Variants in CARMIL1 observed in about 807,000 individuals in gnomAD.
The protein encoded by CARMIL1 is F-actin-uncapping protein LRRC16A.
A neutral mutation model predicts 177.1 loss-of-function variants in CARMIL1; 90 were observed. The ratio of observed to expected loss-of-function variants is 0.51; its 90% CI spans 0.43 to 0.61. The LOEUF (loss-of-function observed/expected upper bound fraction) is 0.61, where lower values mean the gene tolerates loss of function less well. CARMIL1 is among the 20% of genes least tolerant of loss of function. The probability of loss-of-function intolerance (pLI) is 0.00; values close to 1 mark genes in which losing one functional copy is unlikely to be tolerated. For missense variants in CARMIL1, 1,380 were observed against 1,667.0 expected, an observed-to-expected ratio of 0.83 and a Z score of 3.00; for synonymous variants, 577 against 606.2, an observed-to-expected ratio of 0.95 and a Z score of 0.71.
chr6:25,474,625 A>C (rs144255835), intron 11 of CARMIL1, among the ~76,000 whole-genome samples: 70 of 152,362 alleles, frequency 4.6e-4, no homozygotes, highest in Admixed American at 1.4e-3. Flanking sequence ...AAGTACCCTC[A>C]TAGAATAAGC....
At chr6:25,384,283 C>T (rs111731809) in intron 2 of CARMIL1, among the ~76,000 whole-genome samples, 12 of 152,348 alleles carry the variant, frequency 7.9e-5, no homozygotes, top group African/African-American at 2.4e-4. Context: ...ACAGCTCACA[C>T]GCAGCAACAG....
chr6:25,459,272 T>TCTTC, intron 8 of CARMIL1, among the ~76,000 whole-genome samples: 1 of 134,978 alleles, frequency 7.4e-6, no homozygotes, highest in South Asian at 2.5e-4. Context: ...CTTTCTTTTT[T>TCTTC]TTTTTTTTAA....
chr6:25,437,216 T>TA (rs1010738900), intron 5 of CARMIL1, among the ~76,000 whole-genome samples: 27 of 152,246 alleles, frequency 1.8e-4, no homozygotes, highest in African/African-American at 5.8e-4. Context: ...ACTGATGAAA[T>TA]AAAAAAATTA....
At chr6:25,487,933 T>G (rs887546207) in intron 12 of CARMIL1, among the ~76,000 whole-genome samples, 8 of 152,234 alleles carry the variant, frequency 5.3e-5, no homozygotes, top group Admixed American at 4.6e-4. Flanking sequence ...ACATTTTTCC[T>G]TATGATTGCA....
chr6:25,617,868 G>A (rs546369175), intron 36 of CARMIL1, among the ~76,000 whole-genome samples: 2 of 152,114 alleles, frequency 1.3e-5, no homozygotes, highest in Non-Finnish European at 2.9e-5. Flanking sequence ...AATAGAAATT[G>A]CACTTCAGTT....
intron 2 of CARMIL1, among the ~76,000 whole-genome samples, chr6:25,312,460 C>A (rs1411459423): frequency 6.6e-6 from 1 of 151,964 alleles, no homozygotes; most frequent in African/African-American, 2.4e-5. Flanking sequence ...AAAACATAAG[C>A]TTGTAAAAAG....
chr6:25,429,392 G>GTGT (rs3034260), intron 4 of CARMIL1, among the ~76,000 whole-genome samples: 1 of 152,002 alleles, frequency 6.6e-6, no homozygotes, highest in Admixed American at 6.6e-5. Flanking sequence ...TCTGACCCAG[G>GTGT]CGTCTCCTGT....
At chr6:25,398,706 A>T (rs1405147796) in intron 2 of CARMIL1, among the ~76,000 whole-genome samples, 1 of 152,298 alleles carries the variant, frequency 6.6e-6, no homozygotes, top group East Asian at 1.9e-4. Context: ...GCCCTTCCAG[A>T]ATCATGCAAA....
At chr6:25,578,730 C>A (rs761487277) in intron 29 of CARMIL1, among the ~76,000 whole-genome samples, 46 of 152,078 alleles carry the variant, frequency 3.0e-4, no homozygotes, top group Non-Finnish European at 5.1e-4. Context: ...AGACCATTGG[C>A]TCTGTGCCAA....
chr6:25,420,280 A>AACAC, intron 3 of CARMIL1, 116 bp downstream of exon 3: 1 of 913,612 alleles, frequency 1.1e-6, no homozygotes, highest in Non-Finnish European at 1.8e-6. Context: ...ACTGCAACAC[A>AACAC]ACACACACAC....
intron 2 of CARMIL1, among the ~76,000 whole-genome samples, chr6:25,328,420 A>C (rs1175227505): frequency 6.6e-6 from 1 of 152,240 alleles, no homozygotes; most frequent in Non-Finnish European, 1.5e-5. Context: ...TGAATCTTGC[A>C]TTACAGTCAC....
At chr6:25,297,456 C>A (rs778070029) in intron 2 of CARMIL1, among the ~76,000 whole-genome samples, 1 of 152,164 alleles carries the variant, frequency 6.6e-6, no homozygotes, top group Non-Finnish European at 1.5e-5. Flanking sequence ...AACCCTCTAT[C>A]ATTTTACTCT....
Position 25,610,100 on chromosome 6 carries a change from G to T in CARMIL1, c.3898G>T (p.Val1300Phe), listed in dbSNP as rs760241107. 6.2e-7 allele frequency: 1 copy of T among 1,613,778 alleles called. No individual in the cohort carries two copies. Among genetic ancestry groups the T allele is most frequent in the African/African-American group, 1.3e-5 (1 of 74,898 alleles). Reference sequence around the variant, plus strand: ...CCCGAAAGTTGCCCTTCTTCCACCTGTCCTGAAAAAAGTTCCTTCAGACAA... The same window carrying T: ...CCCGAAAGTTGCCCTTCTTCCACCTTTCCTGAAAAAAGTTCCTTCAGACAA... ...SSPKVALLPP[V>F]LKKVPSDKER... The change falls in exon 36 of 37, where the codon GTC becomes TTC. Residue 1300 changes from valine to phenylalanine, a missense_variant. Physicochemically the swap from Val to Phe is conservative, Grantham distance 50. Coordinates refer to ENST00000329474, the MANE Select transcript of CARMIL1 (RefSeq NM_017640.6).
chr6:25,457,051 G>A (rs1311554375), intron 8 of CARMIL1, among the ~76,000 whole-genome samples: 2 of 150,884 alleles, frequency 1.3e-5, no homozygotes, highest in African/African-American at 4.9e-5. Flanking sequence ...GGAATCAGAT[G>A]TGAACAGCAT....
At chr6:25,491,842 A>C in intron 14 of CARMIL1, 33 bp downstream of exon 14, 1 of 1,538,418 alleles carries the variant, frequency 6.5e-7, no homozygotes, top group Non-Finnish European at 8.9e-7. Context: ...TCTTGCTCTG[A>C]GGGGTCTCAG....
chr6:25,301,902 T>C (rs1393069003), intron 2 of CARMIL1, among the ~76,000 whole-genome samples: 1 of 152,212 alleles, frequency 6.6e-6, no homozygotes, highest in Admixed American at 6.5e-5. Context: ...TCAGACCAAA[T>C]AAGCCAGCTC....
chr6:25,455,306 A>G (rs77371797), intron 8 of CARMIL1, among the ~76,000 whole-genome samples: 23,261 of 152,124 alleles, frequency 0.15, 2,153 homozygotes, highest in South Asian at 0.25. Context: ...TTATTTTTTC[A>G]TTCCACTTTT....
intron 8 of CARMIL1, among the ~76,000 whole-genome samples, chr6:25,457,512 G>A (rs1799644290): frequency 6.6e-6 from 1 of 152,148 alleles, no homozygotes; most frequent in Admixed American, 6.5e-5. Flanking sequence ...ATAGCAGGAG[G>A]GAATAGCTAA....
At position 25,606,094 on chromosome 6, in the gene CARMIL1, G is replaced by A. The variant is rs775578827; in HGVS notation, c.3668G>A (p.Arg1223His). 2.5e-6 allele frequency: 4 copies of A among 1,613,800 alleles called. No homozygotes were observed. The highest frequency in any genetic ancestry group is 4.5e-5 in the East Asian group (2 of 44,878). ...CTGCACCCAGGTCTTCCAGAGAACC[G>A]CTTTGGTTTGGGAACACCAGAAAAG... ...PKLHPGLPEN[R>H]FGLGTPEKNT... The change falls in exon 35 of 37, where the codon CGC becomes CAC. Residue 1223 changes from arginine to histidine, a missense_variant. Arg to His is a conservative substitution (Grantham distance 29, BLOSUM62 0). Coordinates refer to ENST00000329474, the MANE Select transcript of CARMIL1 (RefSeq NM_017640.6).
Sources: allele counts gnomAD v4.1 joint callset (sites outside exome capture counted in the v4.1 genomes callset), GRCh38; gene constraint gnomAD v4.1.1; transcripts MANE v1.5; gene names NCBI Gene and HGNC (gene_info 2026-07-23, HGNC 2026-07-21).